SPHKAP: variants seen among roughly 807,000 people sequenced by gnomAD.
SPHKAP encodes the protein A-kinase anchor protein SPHKAP.
A neutral mutation model predicts 137.5 loss-of-function variants in SPHKAP; 67 were observed. The observed-to-expected ratio is 0.49, with a 90% CI of 0.40 to 0.60. The LOEUF (loss-of-function observed/expected upper bound fraction) is 0.60, where lower values mean the gene tolerates loss of function less well. Among genes scored for constraint, SPHKAP ranks in the 20% least tolerant of loss-of-function variants. SPHKAP has a pLI of 0.00. For synonymous variants in SPHKAP, 813 were observed against 785.3 expected (o/e 1.04, Z -0.59); for missense variants, 2,097 against 2,069.3 (o/e 1.01, Z -0.26).
chr2:228,057,532 G>A (rs555588115), intron 3 of SPHKAP, among the ~76,000 whole-genome samples: 1 of 152,224 alleles, frequency 6.6e-6, no homozygotes, highest in South Asian at 2.1e-4. Flanking sequence ...ACGCAAAAAA[G>A]AGGAGAGGAG....
At chr2:228,164,446 CCTGA>C (rs1404952987) in intron 1 of SPHKAP, among the ~76,000 whole-genome samples, 2 of 152,172 alleles carry the variant, frequency 1.3e-5, no homozygotes, top group Non-Finnish European at 1.5e-5. Flanking sequence ...TCTGGAAAGC[CCTGA>C]CTAATACAGC....
At chr2:228,172,155 T>A (rs1700604806) in intron 1 of SPHKAP, among the ~76,000 whole-genome samples, 1 of 151,930 alleles carries the variant, frequency 6.6e-6, no homozygotes, top group African/African-American at 2.4e-5. Flanking sequence ...GAAAGAGAAA[T>A]GAAAGAATAA....
At chr2:228,012,959 T>A (rs961381275) in intron 7 of SPHKAP, among the ~76,000 whole-genome samples, 1 of 152,334 alleles carries the variant, frequency 6.6e-6, no homozygotes, top group African/African-American at 2.4e-5. Context: ...TAACTTTTTT[T>A]AAAGTAAGAA....
chr2:228,084,469 A>G (rs1381891926), intron 3 of SPHKAP, among the ~76,000 whole-genome samples: 2 of 152,210 alleles, frequency 1.3e-5, no homozygotes, highest in Admixed American at 6.5e-5. Flanking sequence ...ATACATTTAT[A>G]TATAAATATT....
At chr2:228,132,370 G>T in intron 1 of SPHKAP, 1 of 192,020 alleles carries the variant, frequency 5.2e-6, no homozygotes, top group Non-Finnish European at 9.6e-6. Flanking sequence ...GGCCTTGTTA[G>T]CATCTTCTCT....
chr2:228,143,488 A>C (rs1699669202), intron 1 of SPHKAP, among the ~76,000 whole-genome samples: 1 of 151,750 alleles, frequency 6.6e-6, no homozygotes, highest in African/African-American at 2.4e-5. Context: ...TTTTATTTTT[A>C]TTTTTAATTT....
chr2:228,008,683 ATT>A (rs35526328), intron 7 of SPHKAP, among the ~76,000 whole-genome samples: 2,301 of 144,698 alleles, frequency 0.016, 20 homozygotes, highest in Non-Finnish European at 0.021. Flanking sequence ...GTCTGGATTC[ATT>A]TTTTTTTTTT....
intron 3 of SPHKAP, among the ~76,000 whole-genome samples, chr2:228,066,073 A>G (rs1215987343): frequency 1.3e-5 from 2 of 152,180 alleles, no homozygotes; most frequent in East Asian, 1.9e-4. Flanking sequence ...TTTGAAGGAT[A>G]TGGTTCATGG....
At position 228,015,499 on chromosome 2, in the gene SPHKAP, A is replaced by G. The variant is rs141323328; in HGVS notation, c.4448+907T>C. Among the ~76,000 whole-genome samples, 596 of 152,322 alleles carry G rather than the reference A, an allele frequency of 3.9e-3. 4 individuals carry two copies. The highest frequency in any genetic ancestry group is 0.013 in the African/African-American group (557 of 41,570). ...CTAGATCCTGTTTTGTTTAACTACA[A>G]ACCAAAGCTAAAGAAATGATACAAT... On this transcript the variant is annotated intron_variant, in intron 7 of 11. Transcript: ENST00000392056.
chr2:228,086,018 C>A (rs925713764), intron 3 of SPHKAP, among the ~76,000 whole-genome samples: 5 of 152,064 alleles, frequency 3.3e-5, no homozygotes, highest in African/African-American at 1.2e-4. Flanking sequence ...ACAAACCCTG[C>A]CTCAGTTATA....
At chr2:228,016,384 T>A in intron 7 of SPHKAP, 22 bp downstream of exon 7, 1 of 1,550,114 alleles carries the variant, frequency 6.5e-7, no homozygotes, top group East Asian at 2.2e-5. Flanking sequence ...GCACCCTATG[T>A]AGTCTGAGAC....
rs142089836 is a variant in SPHKAP at position 228,032,257 on chromosome 2, C to T, written c.247-4714G>A. 4.0e-3 allele frequency among the ~76,000 whole-genome samples: 614 copies of T among 151,950 alleles called. 5 individuals are homozygous for T. The highest frequency in any genetic ancestry group is 0.014 in the African/African-American group (590 of 41,394). On this transcript the variant is annotated intron_variant, in intron 3 of 11. Coordinates refer to ENST00000392056, the MANE Select transcript of SPHKAP (RefSeq NM_001142644.2). ...GATACAGAAGCCTAAGGAGCTGATG[C>T]GATCAACTGGAAGAAAGGGTATCAT...
At chr2:228,072,789 C>A (rs547355737) in intron 3 of SPHKAP, among the ~76,000 whole-genome samples, 12 of 152,200 alleles carry the variant, frequency 7.9e-5, no homozygotes, top group Non-Finnish European at 1.6e-4. Context: ...GGATGCCCAG[C>A]TATTTGAAGT....
At chr2:228,028,333 G>C (rs1695139202) in intron 3 of SPHKAP, among the ~76,000 whole-genome samples, 1 of 152,024 alleles carries the variant, frequency 6.6e-6, no homozygotes. Flanking sequence ...TTGCCACATT[G>C]TTTTAGTTCA....
At chr2:228,137,507 T>G (rs1245929113) in intron 1 of SPHKAP, among the ~76,000 whole-genome samples, 1 of 152,186 alleles carries the variant, frequency 6.6e-6, no homozygotes, top group African/African-American at 2.4e-5. Context: ...GTAAACACAG[T>G]GTAAAGTTAA....
At chr2:228,175,559 A>G (rs1215704941) in intron 1 of SPHKAP, among the ~76,000 whole-genome samples, 2 of 152,216 alleles carry the variant, frequency 1.3e-5, no homozygotes, top group African/African-American at 4.8e-5. Context: ...TAATGAATCA[A>G]TAAAGAAAGT....
In SPHKAP at chr2:228,037,101, GTTTC is replaced by G. The variant is rs1240057790; in HGVS notation, c.247-9562_247-9559del. Among the ~76,000 whole-genome samples, 5 of 152,118 alleles carry G rather than the reference GTTTC, an allele frequency of 3.3e-5. No homozygotes were observed. In the East Asian group the frequency reaches 5.8e-4, roughly 18 times the overall value. ...AAAATCAGTGGGAAACTACTGTACA[GTTTC>G]TTTCATATATGAGTTGTTATAGGCA... is the stretch of plus-strand genomic sequence containing the variant. On this transcript the variant is annotated intron_variant, in intron 3 of 11. Coordinates refer to ENST00000392056, the MANE Select transcript of SPHKAP (RefSeq NM_001142644.2).
chr2:228,143,581 C>T (rs909549759), intron 1 of SPHKAP, among the ~76,000 whole-genome samples: 7 of 151,706 alleles, frequency 4.6e-5, no homozygotes, highest in African/African-American at 7.3e-5. Context: ...CTGCAACCTC[C>T]GCCTCCCTGG....
At chr2:228,125,617 G>A (rs916247026) in intron 2 of SPHKAP, among the ~76,000 whole-genome samples, 4 of 152,046 alleles carry the variant, frequency 2.6e-5, no homozygotes, top group Non-Finnish European at 4.4e-5. Flanking sequence ...ATATCCCACC[G>A]CAGCCCTGGA....
Sources: allele counts gnomAD v4.1 joint callset (sites outside exome capture counted in the v4.1 genomes callset), GRCh38; gene constraint gnomAD v4.1.1; transcripts MANE v1.5; gene names NCBI Gene and HGNC (gene_info 2026-07-23, HGNC 2026-07-21).